Variants in SLC4A7 observed in about 807,000 individuals in gnomAD.
SLC4A7 encodes solute carrier family 4 member 7, also known as sodium bicarbonate cotransporter 3.
A neutral mutation model predicts 137.6 loss-of-function variants in SLC4A7; 51 were observed. The ratio of observed to expected loss-of-function variants is 0.37; its 90% CI spans 0.30 to 0.47. The LOEUF (loss-of-function observed/expected upper bound fraction) is 0.47, where lower values mean the gene tolerates loss of function less well. Ranked by LOEUF, SLC4A7 falls within the 20% of genes least tolerant of loss-of-function variation. SLC4A7 has a pLI of 1.00. For missense variants in SLC4A7, 1,247 were observed against 1,525.4 expected (o/e 0.82, Z 3.04); for synonymous variants, 542 against 518.6 (o/e 1.05, Z -0.61).
chr3:27,484,218 C>A lies in SLC4A7; in HGVS notation c.-92G>T. ...TGCCCCTGCCGCCGCCGCCGAGCCC[C>A]CGGCGCGCGAGGACAAACGTGGGTG... On this transcript the variant is annotated 5_prime_UTR_variant, in exon 1 of 26. Coordinates refer to ENST00000454389, the MANE Select transcript of SLC4A7 (RefSeq NM_001321103.2). 9.2e-7 allele frequency: 1 copy of A among 1,087,244 alleles called. No homozygotes were observed. Among genetic ancestry groups the A allele is most frequent in the African/African-American group, 1.6e-5 (1 of 60,656 alleles). 67.3% of individuals were successfully genotyped at this position (1,087,244 alleles called of 1,614,324 possible). A position where few individuals can be genotyped will look rare whatever the true frequency, so the allele number is the denominator to read the frequency against.
intron 1 of SLC4A7, among the ~76,000 whole-genome samples, chr3:27,459,965 TG>T (rs1310566282): frequency 1.1e-4 from 13 of 121,404 alleles, no homozygotes; most frequent in African/African-American, 4.1e-4. Flanking sequence ...CACATCTCAG[TG>T]TTATTTATAT....
chr3:27,386,987 G>A (rs2051023718), intron 22 of SLC4A7, among the ~76,000 whole-genome samples: 1 of 152,078 alleles, frequency 6.6e-6, no homozygotes, highest in African/African-American at 2.4e-5. Flanking sequence ...GAAATAACCT[G>A]CTTATGGTAT....
rs200317821 is a variant in SLC4A7 at position 27,394,935 on chromosome 3, G to A, written c.2865+19C>T. 5.1e-6 allele frequency: 8 copies of A among 1,582,124 alleles called. No individual in the cohort carries two copies. The highest frequency in any genetic ancestry group is 2.2e-5 in the East Asian group (1 of 44,730). On this transcript the variant is annotated intron_variant, in intron 19 of 25. Coordinates refer to ENST00000454389, the MANE Select transcript of SLC4A7 (RefSeq NM_001321103.2). ...ACCCTTGAAGAATCACAATGCTTAAGGCAAAATTCTAAAATTACCTTCAAT... is the reference window on the plus strand; with the variant it reads ...ACCCTTGAAGAATCACAATGCTTAAAGCAAAATTCTAAAATTACCTTCAAT...
At chr3:27,436,224 G>A (rs2056730985) in intron 5 of SLC4A7, among the ~76,000 whole-genome samples, 164 bp downstream of exon 5, 1 of 152,148 alleles carries the variant, frequency 6.6e-6, no homozygotes, top group Admixed American at 6.5e-5. Context: ...CTACACTTAT[G>A]TCGGTTTAAT....
At chr3:27,378,818 T>C (rs1292183772) in intron 25 of SLC4A7, among the ~76,000 whole-genome samples, 1 of 152,230 alleles carries the variant, frequency 6.6e-6, no homozygotes, top group Non-Finnish European at 1.5e-5. Flanking sequence ...CTAATAGTTA[T>C]CTAATCTTTA....
chr3:27,470,484 T>C (rs1281586652), intron 1 of SLC4A7, among the ~76,000 whole-genome samples: 8 of 151,948 alleles, frequency 5.3e-5, no homozygotes, highest in Middle Eastern at 6.8e-3. Context: ...AATGAATATA[T>C]ATATGACTGA....
At chr3:27,416,690 T>C (rs1301571268) in intron 11 of SLC4A7, among the ~76,000 whole-genome samples, 1 of 152,166 alleles carries the variant, frequency 6.6e-6, no homozygotes, top group Admixed American at 6.6e-5. Flanking sequence ...TATGTATATA[T>C]GCACATAAAA....
At chr3:27,430,713 C>T (rs1451738466) in intron 7 of SLC4A7, among the ~76,000 whole-genome samples, 3 of 151,546 alleles carry the variant, frequency 2.0e-5, no homozygotes, top group Non-Finnish European at 4.4e-5. Flanking sequence ...GTCCTGTAGT[C>T]CCAGCTACTC....
intron 1 of SLC4A7, among the ~76,000 whole-genome samples, chr3:27,461,760 G>C (rs2058712055): frequency 6.6e-6 from 1 of 151,014 alleles, no homozygotes; most frequent in African/African-American, 2.4e-5. Context: ...AGGAGTTTGA[G>C]ACTAGGCTGG....
At chr3:27,434,832 TA>T (rs140187798) in intron 5 of SLC4A7, among the ~76,000 whole-genome samples, 28 of 151,824 alleles carry the variant, frequency 1.8e-4, no homozygotes, top group African/African-American at 6.3e-4. Context: ...ATGGTTACTC[TA>T]AAAAAAACCC....
chr3:27,460,226 G>T (rs544971325), intron 1 of SLC4A7, among the ~76,000 whole-genome samples: 6 of 151,824 alleles, frequency 4.0e-5, no homozygotes, highest in Non-Finnish European at 7.4e-5. Flanking sequence ...TAGAGACCAG[G>T]TTTCTCCATG....
intron 3 of SLC4A7, among the ~76,000 whole-genome samples, chr3:27,446,861 TAG>T (rs2057674911): frequency 6.8e-6 from 1 of 146,596 alleles, no homozygotes; most frequent in Admixed American, 7.1e-5. Context: ...TATCTCTTAG[TAG>T]AGTTTTTTTT....
At chr3:27,387,339 C>A (rs1339728398) in intron 22 of SLC4A7, among the ~76,000 whole-genome samples, 1 of 152,142 alleles carries the variant, frequency 6.6e-6, no homozygotes, top group African/African-American at 2.4e-5. Context: ...ATACTTTTGA[C>A]AAATGTATAT....
rs866572630 is a variant in SLC4A7, at chr3:27,437,460, T to C, written c.356A>G (p.His119Arg). The C allele has an allele frequency of 6.3e-7, 1 of 1,597,548 alleles. No individual in the cohort carries two copies. Among genetic ancestry groups the C allele is most frequent in the Non-Finnish European group, 8.6e-7 (1 of 1,168,888 alleles). ...TEDDDEEHIPHDLFTEMDELC... is the reference protein window; with the variant it reads ...TEDDDEEHIPRDLFTEMDELC... ...TTCATCCATTTCCGTGAAGAGATCA[T>C]GGGGAATATGTTCTTCATCATCATC... is the stretch of plus-strand genomic sequence containing the variant. Residue 119 changes from histidine (H) to arginine (R), a missense_variant, in exon 4 of 26, where the codon CAT becomes CGT. Around this residue, in one of 6 missense-constraint regions of SLC4A7, gnomAD observed 176 missense variants for 186.4 expected, o/e 0.94. Coordinates refer to ENST00000454389, the MANE Select transcript of SLC4A7 (RefSeq NM_001321103.2).
chr3:27,403,107 T>A, intron 15 of SLC4A7, 32 bp downstream of exon 15: 1 of 1,575,142 alleles, frequency 6.3e-7, no homozygotes, highest in Non-Finnish European at 8.6e-7. Flanking sequence ...TAAAAACACA[T>A]TTTAATATTA....
intron 1 of SLC4A7, among the ~76,000 whole-genome samples, chr3:27,455,273 G>T (rs771414293): frequency 1.1e-4 from 16 of 152,174 alleles, no homozygotes; most frequent in Non-Finnish European, 1.9e-4. Flanking sequence ...GTAAGAAAAG[G>T]TCTCAAAGAT....
intron 1 of SLC4A7, among the ~76,000 whole-genome samples, chr3:27,476,191 T>C: frequency 6.6e-6 from 1 of 152,144 alleles, no homozygotes; most frequent in Non-Finnish European, 1.5e-5. Flanking sequence ...TATTTAAAAG[T>C]GGTGAAAATA....
chr3:27,393,202 T>A (rs1223003879), intron 20 of SLC4A7, among the ~76,000 whole-genome samples: 1 of 152,174 alleles, frequency 6.6e-6, no homozygotes, highest in Non-Finnish European at 1.5e-5. Context: ...CCTCCCTAAG[T>A]ATCTGAATGA....
chr3:27,404,414 T>C (rs183341079), intron 14 of SLC4A7, among the ~76,000 whole-genome samples: 31 of 152,270 alleles, frequency 2.0e-4, no homozygotes, highest in Admixed American at 6.5e-4. Context: ...GTATTAGCCA[T>C]GCTGAATTCA....
Sources: gnomAD v4.1 joint callset for allele counts (sites outside exome capture counted in the v4.1 genomes callset) on GRCh38, gnomAD v4.1.1 for gene constraint, gnomAD v4.1.1 regional missense constraint, MANE v1.5 for transcripts, NCBI Gene and HGNC (gene_info 2026-07-23, HGNC 2026-07-21) for gene names.